ATXN7: variants seen among roughly 807,000 people sequenced by gnomAD.
ATXN7 encodes ataxin 7, also known as ataxin-7.
In ATXN7, 12 loss-of-function variants were observed where a neutral mutation model predicts 70.5. The ratio of observed to expected loss-of-function variants is 0.17; its 90% CI spans 0.11 to 0.28. The LOEUF (loss-of-function observed/expected upper bound fraction) is 0.28. Ranked by LOEUF, ATXN7 falls within the 10% of genes least tolerant of loss-of-function variation. The pLI is 1.00. For synonymous variants in ATXN7, 498 were observed against 448.7 expected (o/e 1.11, Z -1.39); for missense variants, 1,256 against 1,131.7 (o/e 1.11, Z -1.58).
chr3:63,888,859 C>G (rs1349292603), intron 1 of ATXN7, among the ~76,000 whole-genome samples: 3 of 152,170 alleles, frequency 2.0e-5, no homozygotes, highest in Non-Finnish European at 2.9e-5. Context: ...CAGTCCCTAA[C>G]TCCTGGCAGC....
At chr3:63,919,151 A>G (rs567184536) in intron 4 of ATXN7, among the ~76,000 whole-genome samples, 18 of 152,166 alleles carry the variant, frequency 1.2e-4, no homozygotes, top group Non-Finnish European at 2.5e-4. Context: ...ATTTCATGAC[A>G]TGTGAAAATT....
intron 5 of ATXN7, among the ~76,000 whole-genome samples, chr3:63,972,083 A>G (rs1236837171): frequency 6.6e-6 from 1 of 152,330 alleles, no homozygotes; most frequent in East Asian, 1.9e-4. Context: ...GAAATGGATT[A>G]TGACAGTTTG....
intron 5 of ATXN7, among the ~76,000 whole-genome samples, chr3:63,973,398 T>C (rs932025828): frequency 2.0e-5 from 3 of 152,114 alleles, no homozygotes; most frequent in African/African-American, 7.2e-5. Flanking sequence ...AGCAGGTGTT[T>C]GCTGATGGTC....
chr3:63,993,261 A>G (rs923338750), intron 11 of ATXN7, among the ~76,000 whole-genome samples: 2 of 144,742 alleles, frequency 1.4e-5, no homozygotes, highest in African/African-American at 5.2e-5. Flanking sequence ...GTTTTCAAAG[A>G]TTTTTGTTGG....
chr3:63,999,404 G>C, intron 12 of ATXN7, 46 bp from the exon 13 acceptor site: 1 of 1,495,952 alleles, frequency 6.7e-7, no homozygotes. Flanking sequence ...GTGTACAAAC[G>C]CTTACTTACC....
In ATXN7 at chr3:63,899,937, A is replaced by AAAAAATTT. The variant is rs537886301; in HGVS notation, c.-12+1440_-12+1441insAAAAATTT. Among the ~76,000 whole-genome samples the AAAAAATTT allele has an allele frequency of 1.8e-4, 27 of 152,242 alleles. No homozygotes were observed. In the South Asian group the frequency reaches 5.6e-3, roughly 32 times the overall value. Reference sequence around the variant, plus strand: ...CGGCCTAAAAAAAATTTAAAAAATTAGTCAAGCACAGTGGTGCATGTGTAT... The same window carrying AAAAAATTT: ...CGGCCTAAAAAAAATTTAAAAAATTAAAAAATTTGTCAAGCACAGTGGTGCATGTGTAT... On this transcript the variant is annotated intron_variant, in intron 2 of 12. Transcript: ENST00000674280.
chr3:63,943,926 C>G (rs978886175), intron 4 of ATXN7, among the ~76,000 whole-genome samples: 5 of 152,190 alleles, frequency 3.3e-5, no homozygotes, highest in Admixed American at 6.5e-5. Context: ...GGTCAATACA[C>G]ATTCATGGCA....
intron 2 of ATXN7, among the ~76,000 whole-genome samples, chr3:63,909,368 C>A (rs1703939467): frequency 6.6e-6 from 1 of 152,124 alleles, no homozygotes; most frequent in South Asian, 2.1e-4. Flanking sequence ...GAGTTTGAGA[C>A]CAGCCTGGGC....
intron 4 of ATXN7, among the ~76,000 whole-genome samples, chr3:63,927,058 CTA>C (rs769953548): frequency 7.9e-5 from 12 of 152,118 alleles, no homozygotes; most frequent in Non-Finnish European, 1.2e-4. Flanking sequence ...TTTATGCAGT[CTA>C]TCATTCATGG....
chr3:63,990,983 G>A, intron 11 of ATXN7, 124 bp downstream of exon 11: 1 of 1,410,132 alleles, frequency 7.1e-7, no homozygotes, highest in Non-Finnish European at 9.8e-7. Context: ...TTGGCCCTGA[G>A]AAGAAGGTGC....
chr3:63,946,940 G>C (rs1208592702), intron 4 of ATXN7, among the ~76,000 whole-genome samples: 1 of 152,158 alleles, frequency 6.6e-6, no homozygotes, highest in Non-Finnish European at 1.5e-5. Context: ...GTTCAGGTGA[G>C]TAGAGGCCCC....
At position 63,872,384 on chromosome 3, in the gene ATXN7, G is replaced by A. The variant is rs1207287722; in HGVS notation, c.-111+8226G>A. Among the ~76,000 whole-genome samples the A allele has an allele frequency of 2.0e-5, 3 of 152,212 alleles. No homozygotes were observed. The East Asian group carries it at 5.8e-4, about 29-fold the overall frequency. On this transcript the variant is annotated intron_variant, in intron 1 of 12. Coordinates refer to ENST00000674280, the MANE Select transcript of ATXN7 (RefSeq NM_001377405.1). ...TAGTGCCTGGCCTGAGGTCACTAATGTGGCTGCAGTCCTCTTAAGTCTTGA... is the reference window on the plus strand; with the variant it reads ...TAGTGCCTGGCCTGAGGTCACTAATATGGCTGCAGTCCTCTTAAGTCTTGA...
intron 5 of ATXN7, among the ~76,000 whole-genome samples, chr3:63,963,280 G>A (rs1404960059): frequency 3.9e-5 from 6 of 151,994 alleles, no homozygotes; most frequent in African/African-American, 1.2e-4. Flanking sequence ...AAATTTTTTA[G>A]ACCTGTTTCT....
intron 2 of ATXN7, among the ~76,000 whole-genome samples, chr3:63,899,456 TC>T: frequency 6.6e-6 from 1 of 152,034 alleles, no homozygotes; most frequent in East Asian, 1.9e-4. Context: ...AGCAGGAAAT[TC>T]CTGGAGGAAT....
intron 1 of ATXN7, among the ~76,000 whole-genome samples, chr3:63,876,120 T>C (rs572635179): frequency 6.6e-5 from 10 of 152,368 alleles, no homozygotes; most frequent in African/African-American, 1.7e-4. Context: ...TTTTGTCTTA[T>C]GGTTTTTGTA....
chr3:63,887,826 G>A (rs1406680202), intron 1 of ATXN7, among the ~76,000 whole-genome samples: 1 of 149,988 alleles, frequency 6.7e-6, no homozygotes, highest in East Asian at 1.9e-4. Flanking sequence ...ACCTGCCTCA[G>A]CTTCCCGAAG....
upstream of ATXN7, chr3:63,863,621 G>T: frequency 8.3e-7 from 1 of 1,199,400 alleles, no homozygotes; most frequent in Non-Finnish European, 1.0e-6. Flanking sequence ...GAGGCCCGGG[G>T]CTCCGGGGAG....
intron 5 of ATXN7, among the ~76,000 whole-genome samples, chr3:63,966,483 C>T (rs989734951): frequency 6.6e-6 from 1 of 152,128 alleles, no homozygotes; most frequent in African/African-American, 2.4e-5. Flanking sequence ...GCTTCTAAGG[C>T]TTGCTGATGG....
At chr3:63,937,056 C>A (rs114118000) in intron 4 of ATXN7, among the ~76,000 whole-genome samples, 1 of 152,300 alleles carries the variant, frequency 6.6e-6, no homozygotes, top group African/African-American at 2.4e-5. Context: ...CCTGCCTAGC[C>A]TAGTGTAATT....
Sources: allele counts gnomAD v4.1 joint callset (sites outside exome capture counted in the v4.1 genomes callset), GRCh38; gene constraint gnomAD v4.1.1; transcripts MANE v1.5; gene names NCBI Gene and HGNC (gene_info 2026-07-23, HGNC 2026-07-21).